The following USP54 variants were observed in gnomAD, a reference collection of about 807,000 sequenced individuals.
USP54 encodes ubiquitin carboxyl-terminal hydrolase 54.
In USP54, 87 loss-of-function variants were observed where a neutral mutation model predicts 170.5. The observed-to-expected ratio is 0.51, with a 90% CI of 0.43 to 0.61. The LOEUF (loss-of-function observed/expected upper bound fraction) is 0.61, where lower values mean the gene tolerates loss of function less well. Among genes scored for constraint, USP54 ranks in the 20% least tolerant of loss-of-function variants. USP54 has a pLI of 0.00. For synonymous variants in USP54, 655 were observed against 742.8 expected (o/e 0.88, Z 1.92); for missense variants, 1,786 against 2,047.8 (o/e 0.87, Z 2.47).
chr10:73,516,447 G>A lies in USP54; in HGVS notation c.3979C>T (p.Leu1327Phe), dbSNP rs1432548085. The A allele has an allele frequency of 6.2e-7, 1 of 1,613,984 alleles. No individual in the cohort carries two copies. The highest frequency in any genetic ancestry group is 8.5e-7 in the Non-Finnish European group (1 of 1,180,016). Residue 1327 changes from leucine to phenylalanine, a missense_variant, in exon 20 of 24, where the codon CTT becomes TTT. Coordinates refer to ENST00000687698, the MANE Select transcript of USP54 (RefSeq NM_001391956.1). ...SELESLYQASLQASQAGCSGW... is the reference protein window; with the variant it reads ...SELESLYQASFQASQAGCSGW... Reference sequence around the variant, plus strand: ...GAACAGCCAGCTTGAGAAGCCTGAAGACTGGCCTGATACAGAGACTCCAAT... The same window carrying A: ...GAACAGCCAGCTTGAGAAGCCTGAAAACTGGCCTGATACAGAGACTCCAAT...
chr10:73,591,337 A>G lies in USP54; in HGVS notation c.-641T>C, dbSNP rs2078230450. Reference sequence around the variant, plus strand: ...TAATCACGAGGGTATCTGTGGGGCAAGTGATACAAGAATGGGGAGGGATAT... The same window carrying G: ...TAATCACGAGGGTATCTGTGGGGCAGGTGATACAAGAATGGGGAGGGATAT... On this transcript the variant is annotated 5_prime_UTR_variant, in exon 1 of 24. Coordinates refer to ENST00000687698, the MANE Select transcript of USP54 (RefSeq NM_001391956.1). 2 of 152,200 alleles carry G rather than the reference A, an allele frequency of 1.3e-5. No homozygotes were observed. The highest frequency in any genetic ancestry group is 4.8e-5 in the African/African-American group (2 of 41,442). 9.4% of individuals were successfully genotyped at this position (152,200 alleles called of 1,614,324 possible). A position where few individuals can be genotyped will look rare whatever the true frequency, so the allele number is the denominator to read the frequency against.
intron 16 of USP54, 117 bp downstream of exon 16, chr10:73,526,530 A>C: frequency 6.9e-7 from 1 of 1,440,082 alleles, no homozygotes; most frequent in African/African-American, 1.4e-5. Context: ...TACAGGTGTG[A>C]GCCACCGCGC....
At chr10:73,572,509 C>T (rs2075380396) in intron 3 of USP54, among the ~76,000 whole-genome samples, 1 of 152,128 alleles carries the variant, frequency 6.6e-6, no homozygotes. Flanking sequence ...TGACAGCACA[C>T]CTCCGGAGCT....
Position 73,516,729 on chromosome 10 carries a change from A to G in USP54, c.3697T>C (p.Tyr1233His), listed in dbSNP as rs2061144206. The G allele has an allele frequency of 4.3e-6, 7 of 1,614,170 alleles. No homozygotes were observed. Among genetic ancestry groups the G allele is most frequent in the East Asian group, 2.2e-5 (1 of 44,884 alleles). The change falls in exon 20 of 24, where the codon TAC (tyrosine) becomes CAC (histidine). Residue 1233 changes from tyrosine (Y) to histidine (H), a missense_variant. Around this residue, in one of 3 missense-constraint regions of USP54, gnomAD observed 1,418 missense variants for 1,569.0 expected, o/e 0.90. Transcript: ENST00000687698. Reference sequence around the variant, plus strand: ...CTCACTTGGGACAGCTTCTCTTGGTATATGTCTGGCTCTGCCAACCTGGGC... The same window carrying G: ...CTCACTTGGGACAGCTTCTCTTGGTGTATGTCTGGCTCTGCCAACCTGGGC... ...GQPRLAEPDIYQEKLSQVRDV... is the reference protein window; with the variant it reads ...GQPRLAEPDIHQEKLSQVRDV...
Position 73,530,391 on chromosome 10 carries a change from T to C in USP54, c.1580A>G (p.Asn527Ser), listed in dbSNP as rs750259601. The change falls in exon 14 of 24, where the codon AAT becomes AGT. Residue 527 changes from asparagine to serine, a missense_variant. By Grantham distance (46) the Asn-to-Ser change is conservative. This residue lies in a region of USP54 where 1,418 missense variants were observed against 1,569.0 expected (regional missense o/e 0.90). Coordinates refer to ENST00000687698, the MANE Select transcript of USP54 (RefSeq NM_001391956.1). ...TCTGCCCCTGCAGTGAGAGCCTACATTGGTCTGAGAAGCCAGGGATGGTCT... is the reference window on the plus strand; with the variant it reads ...TCTGCCCCTGCAGTGAGAGCCTACACTGGTCTGAGAAGCCAGGGATGGTCT... ...HNRPSLASQT[N>S]VGSHCRGRGG... The C allele has an allele frequency of 3.1e-6, 5 of 1,614,068 alleles. No individual in the cohort carries two copies. The highest frequency in any genetic ancestry group is 3.3e-5 in the Admixed American group (2 of 60,002).
intron 16 of USP54, among the ~76,000 whole-genome samples, chr10:73,525,096 G>A (rs770315192): frequency 6.6e-6 from 1 of 152,140 alleles, no homozygotes; most frequent in Non-Finnish European, 1.5e-5. Context: ...AACATGCATA[G>A]TATGACTTCA....
chr10:73,519,529 T>A (rs1341606237), intron 19 of USP54: 2 of 469,654 alleles, frequency 4.3e-6, no homozygotes, highest in Admixed American at 6.6e-5. Flanking sequence ...AATCGCGTTA[T>A]TACACAAGTC....
rs1053147496 is a variant in USP54, at chr10:73,524,322, G to A, written c.2195-572C>T. ...AGGCCGGGCATGGTGACTCACGCCT[G>A]TAATCCCAGCACTCTGGGAGGCCAA... On this transcript the variant is annotated intron_variant, in intron 16 of 23. Transcript: ENST00000687698. Among the ~76,000 whole-genome samples the A allele has an allele frequency of 5.9e-5, 9 of 151,738 alleles. No individual in the cohort carries two copies. The South Asian group carries it at 1.9e-3, about 32-fold the overall frequency.
At chr10:73,505,232 C>T in intron 21 of USP54, 76 bp downstream of exon 21, 3 of 1,427,462 alleles carry the variant, frequency 2.1e-6, no homozygotes, top group Admixed American at 1.9e-5. Flanking sequence ...TTATCATCAT[C>T]CCTGTCACAT....
upstream of USP54, among the ~76,000 whole-genome samples, chr10:73,593,110 G>A (rs2078418505): frequency 6.6e-6 from 1 of 151,660 alleles, no homozygotes; most frequent in Admixed American, 6.6e-5. Context: ...TGTAATCCCA[G>A]CATTTTGGGA....
intron 1 of USP54, among the ~76,000 whole-genome samples, chr10:73,615,980 G>A (rs2080599571): frequency 6.7e-6 from 1 of 149,124 alleles, no homozygotes; most frequent in African/African-American, 2.6e-5. Context: ...GCCAAGGTGA[G>A]AGGATTACTT....
intron 1 of USP54, among the ~76,000 whole-genome samples, chr10:73,579,531 G>A (rs929107832): frequency 3.3e-5 from 5 of 152,016 alleles, no homozygotes; most frequent in African/African-American, 1.2e-4. Context: ...GAAGCAGGTG[G>A]ATCACTTGAG....
At chr10:73,549,104 C>T (rs981143366) in intron 4 of USP54, among the ~76,000 whole-genome samples, 1 of 152,112 alleles carries the variant, frequency 6.6e-6, no homozygotes, top group Non-Finnish European at 1.5e-5. Context: ...TTCCAGGGCA[C>T]CCCTTCAGGT....
chr10:73,521,154 T>A, intron 17 of USP54, 127 bp from the exon 18 acceptor site: 1 of 1,263,510 alleles, frequency 7.9e-7, no homozygotes, highest in South Asian at 1.5e-5. Flanking sequence ...TCCAACTGTC[T>A]ATTCCTATTA....
At chr10:73,580,940 A>T (rs1354142776) in intron 1 of USP54, among the ~76,000 whole-genome samples, 1 of 152,206 alleles carries the variant, frequency 6.6e-6, no homozygotes, top group Non-Finnish European at 1.5e-5. Context: ...AGTAGGCTAT[A>T]TCGTATAGTC....
chr10:73,567,627 G>A (rs1476782881), intron 4 of USP54, among the ~76,000 whole-genome samples: 4 of 152,074 alleles, frequency 2.6e-5, no homozygotes, highest in African/African-American at 4.8e-5. Flanking sequence ...AGCTGAGGTC[G>A]CGCCATTGCA....
chr10:73,500,209 A>G (rs1294560320), intron 23 of USP54, among the ~76,000 whole-genome samples: 4 of 152,224 alleles, frequency 2.6e-5, no homozygotes, highest in Non-Finnish European at 4.4e-5. Flanking sequence ...TGGGTACTCC[A>G]TGTAAAGGGT....
At position 73,517,339 on chromosome 10, in the gene USP54, C is replaced by G; in HGVS notation, c.3087G>C (p.Lys1029Asn). The change falls in exon 20 of 24, where the codon AAG becomes AAC. Residue 1029 changes from lysine (K) to asparagine (N), a missense_variant. Physicochemically the swap from Lys to Asn is moderately conservative, Grantham distance 94. Transcript: ENST00000687698. Reference sequence around the variant, plus strand: ...CCGGGGAGGGGTTAGCAGGATCCTTCTTTTCTTGGAACAGCTGTTCTTGAG... The same window carrying G: ...CCGGGGAGGGGTTAGCAGGATCCTTGTTTTCTTGGAACAGCTGTTCTTGAG... ...GIAQEQLFQE[K>N]KDPANPSPVM... The G allele has an allele frequency of 6.2e-7, 1 of 1,612,078 alleles. No homozygotes were observed. The highest frequency in any genetic ancestry group is 8.5e-7 in the Non-Finnish European group (1 of 1,179,034).
rs758608416 is a variant in USP54, at chr10:73,504,924, G to A, written c.4237C>T (p.Arg1413Cys). 50 of 1,614,098 alleles carry A rather than the reference G, an allele frequency of 3.1e-5. No homozygotes were observed. The highest frequency in any genetic ancestry group is 3.3e-5 in the Admixed American group (2 of 60,000). ...EDEQYSAENL[R>C]RISRSLSGTV... ...CCACTGAGACTGCGTGAGATGCGAC[G>A]TAAATTCTCTGCACTGTACTGCTCA... Residue 1413 changes from arginine to cysteine, a missense_variant, in exon 22 of 24, where the codon CGT becomes TGT. Transcript: ENST00000687698.
Sources: allele counts gnomAD v4.1 joint callset (sites outside exome capture counted in the v4.1 genomes callset), GRCh38; gene constraint gnomAD v4.1.1; regional missense constraint gnomAD v4.1.1; transcripts MANE v1.5; gene names NCBI Gene and HGNC (gene_info 2026-07-23, HGNC 2026-07-21).